Variants in NOX5 observed in about 807,000 individuals in gnomAD.
NOX5 encodes the protein NADPH oxidase, EF-hand calcium binding domain 5.
A neutral mutation model predicts 85.7 loss-of-function variants in NOX5; 76 were observed. The observed-to-expected ratio is 0.89, with a 90% CI of 0.74 to 1.07. The LOEUF (loss-of-function observed/expected upper bound fraction) is 1.07. NOX5 is among the 50% of genes least tolerant of loss of function. The pLI is 0.00. For synonymous variants in NOX5, 405 were observed against 401.4 expected (o/e 1.01, Z -0.11); for missense variants, 973 against 999.5 (o/e 0.97, Z 0.36).
chr15:69,022,057 C>A (rs1269929392), intron 1 of NOX5, among the ~76,000 whole-genome samples: 8 of 152,224 alleles, frequency 5.3e-5, no homozygotes, highest in Admixed American at 5.2e-4. Flanking sequence ...GAAGGTCCAG[C>A]TGACTCATCT....
chr15:69,055,242 C>T (rs894567610), intron 14 of NOX5, 92 bp from the exon 15 acceptor site: 12 of 1,394,338 alleles, frequency 8.6e-6, no homozygotes, highest in African/African-American at 1.4e-5. Flanking sequence ...GGTCTCCTTC[C>T]AAGCCCCAGG....
At chr15:69,046,705 A>G in intron 10 of NOX5, 117 bp from the exon 11 acceptor site, 1 of 931,088 alleles carries the variant, frequency 1.1e-6, no homozygotes, top group South Asian at 1.8e-5. Context: ...TGGTTTGGGC[A>G]GAAAAAGCAA....
rs1274969677 is a variant in NOX5 at position 69,059,635 on chromosome 15, G to A, written c.*2939G>A. ...AGGTCCAGGTTCTGTCTGCCTCGGT[G>A]GACATGTCATCGAAGGCAGCAGGAC... On this transcript the variant is annotated 3_prime_UTR_variant, in exon 16 of 16. Coordinates refer to ENST00000388866, the MANE Select transcript of NOX5 (RefSeq NM_024505.4). 1 of 152,172 alleles carries A rather than the reference G, an allele frequency of 6.6e-6. No individual in the cohort carries two copies. The highest frequency in any genetic ancestry group is 1.5e-5 in the Non-Finnish European group (1 of 68,048). 9.4% of individuals were successfully genotyped at this position (152,172 alleles called of 1,614,324 possible). A position where few individuals can be genotyped will look rare whatever the true frequency, so the allele number is the denominator to read the frequency against.
At chr15:69,044,190 A>T (rs902765054) in intron 10 of NOX5, among the ~76,000 whole-genome samples, 2 of 152,166 alleles carry the variant, frequency 1.3e-5, no homozygotes, top group Non-Finnish European at 2.9e-5. Context: ...ACTAAAAAAA[A>T]AAAAAAGCTA....
rs966524690 is a variant in NOX5, at chr15:69,057,104, T to A, written c.*408T>A. On this transcript the variant is annotated 3_prime_UTR_variant, in exon 16 of 16. Transcript: ENST00000388866. ...GGAAGCTTATTTCTCCGGCATCTTA[T>A]AAAATTGTTCAAACCTACAAAAAGT... 5.9e-6 allele frequency: 1 copy of A among 170,458 alleles called. No homozygotes were observed. Among genetic ancestry groups the A allele is most frequent in the African/African-American group, 2.4e-5 (1 of 41,952 alleles). The allele number at this position is 170,458 out of a possible 1,614,324, so 10.6% of individuals were successfully genotyped here. A position where few individuals can be genotyped will look rare whatever the true frequency, so the allele number is the denominator to read the frequency against.
chr15:69,062,452 CA>C lies in NOX5; in HGVS notation c.*5758del, dbSNP rs111859533. The C allele has an allele frequency of 0.019, 2,912 of 152,258 alleles. 100 individuals carry two copies. Among genetic ancestry groups the C allele is most frequent in the African/African-American group, 0.067 (2,781 of 41,534 alleles). The allele number at this position is 152,258 out of a possible 1,614,324, so 9.4% of individuals were successfully genotyped here. A position where few individuals can be genotyped will look rare whatever the true frequency, so the allele number is the denominator to read the frequency against. ...CTGAGTCTGCTACACAAGGCCCCCC[CA>C]ACATAAGCCCTAGATGAAGATCTGC... is the stretch of plus-strand genomic sequence containing the variant. On this transcript the variant is annotated 3_prime_UTR_variant, in exon 16 of 16. Transcript: ENST00000388866.
intron 2 of NOX5, among the ~76,000 whole-genome samples, chr15:69,027,223 C>T (rs1272841731): frequency 6.6e-6 from 1 of 152,138 alleles, no homozygotes; most frequent in African/African-American, 2.4e-5. Flanking sequence ...AGGACCCTCC[C>T]CTGCTGGTCC....
In NOX5 at chr15:69,031,648, G is replaced by C; in HGVS notation, c.456G>C (p.Ser152=). Residue 152 remains serine (S), a synonymous_variant, in exon 4 of 16, where the codon TCG becomes TCC. Transcript: ENST00000388866. ...DPDELRTVLQ[S]CLRESAISLP... ...ATGAGCTGCGCACTGTGCTGCAGTCGTGTCTGCGCGAGAGCGCCATCTCGC... is the reference window on the plus strand; with the variant it reads ...ATGAGCTGCGCACTGTGCTGCAGTCCTGTCTGCGCGAGAGCGCCATCTCGC... 1 of 1,613,284 alleles carries C rather than the reference G, an allele frequency of 6.2e-7. No homozygotes were observed. Among genetic ancestry groups the C allele is most frequent in the Non-Finnish European group, 8.5e-7 (1 of 1,179,970 alleles).
rs1463880488 is a variant in NOX5 at position 69,014,837 on chromosome 15, G to A, written c.50+52G>A. 4 of 1,329,214 alleles carry A rather than the reference G, an allele frequency of 3.0e-6. No homozygotes were observed. The African/African-American group carries it at 5.8e-5, about 19-fold the overall frequency. The allele number at this position is 1,329,214 out of a possible 1,614,324, so 82.3% of individuals were successfully genotyped here. ...CATGCCAGGGACAAGGGAAAGGTGG[G>A]ATTATTTGCCTTTGTGGGATCTACA... On this transcript the variant is annotated intron_variant, in intron 1 of 15. Coordinates refer to ENST00000388866, the MANE Select transcript of NOX5 (RefSeq NM_024505.4).
chr15:69,033,011 T>A (rs1278154878), intron 4 of NOX5, 32 bp from the exon 5 acceptor site: 1 of 1,527,830 alleles, frequency 6.5e-7, no homozygotes, highest in African/African-American at 1.5e-5. Context: ...GCCCCACCGC[T>A]CGCCTCTGAG....
rs748872374 is a variant in NOX5, at chr15:69,038,929, C to G, written c.1444C>G (p.Pro482Ala). The change falls in exon 9 of 16, where the codon CCC (proline) becomes GCC (alanine). Residue 482 changes from proline (P) to alanine (A), a missense_variant. By Grantham distance (27) the Pro-to-Ala change is conservative. Coordinates refer to ENST00000388866, the MANE Select transcript of NOX5 (RefSeq NM_024505.4). ...RPGDYLYLNI[P>A]TIARYEWHPF... The stretch of plus-strand genomic sequence containing the variant: ...TGGTGACTACTTGTATCTGAACATC[C>G]CCACCATTGCTCGCTATGAGTGGCA... 2 of 1,614,104 alleles carry G rather than the reference C, an allele frequency of 1.2e-6. No individual in the cohort carries two copies.
chr15:69,031,764 G>C lies in NOX5; in HGVS notation c.572G>C (p.Arg191Pro), dbSNP rs777063143. 3.1e-6 allele frequency: 5 copies of C among 1,608,418 alleles called. No individual in the cohort carries two copies. The highest frequency in any genetic ancestry group is 2.6e-6 in the Non-Finnish European group (3 of 1,175,984). Residue 191 changes from arginine (R) to proline (P), a missense_variant, in exon 4 of 16, where the codon CGG becomes CCG. Arg to Pro is a moderately radical substitution (Grantham distance 103). Transcript: ENST00000388866. The stretch of plus-strand genomic sequence containing the variant: ...GGGGCCATCACCTTCGAGGAGCTCC[G>C]GGACGAGCTGCAGCGCTTCCCCGGA... ...GNGAITFEEL[R>P]DELQRFPGVM...
chr15:69,044,388 C>A (rs2140273059), intron 10 of NOX5, among the ~76,000 whole-genome samples: 1 of 152,198 alleles, frequency 6.6e-6, no homozygotes, highest in South Asian at 2.1e-4. Context: ...ATATGCATAA[C>A]ATCTCAGGTG....
At chr15:69,018,040 T>C (rs978362898) in intron 1 of NOX5, among the ~76,000 whole-genome samples, 20 of 152,094 alleles carry the variant, frequency 1.3e-4, no homozygotes, top group African/African-American at 4.8e-4. Context: ...CCTGAAGATC[T>C]GGGGCTGCAG....
At chr15:69,024,355 A>G (rs1011485799) in intron 1 of NOX5, among the ~76,000 whole-genome samples, 2 of 152,140 alleles carry the variant, frequency 1.3e-5, no homozygotes, top group Non-Finnish European at 2.9e-5. Context: ...AAAATACCCA[A>G]TGAAAAATTC....
At position 69,047,916 on chromosome 15, in the gene NOX5, G is replaced by A. The variant is rs1199673953; in HGVS notation, c.1899+5G>A. 11 of 1,613,618 alleles carry A rather than the reference G, an allele frequency of 6.8e-6. No individual in the cohort carries two copies. The highest frequency in any genetic ancestry group is 9.3e-6 in the Non-Finnish European group (11 of 1,179,524). The stretch of plus-strand genomic sequence containing the variant: ...GACAACATGAAGCTCCATAAGGTGA[G>A]TACCACCTCCTGCAGGCAGGCCTCC... On this transcript the variant is annotated splice_donor_5th_base_variant and intron_variant, in intron 13 of 15. Transcript: ENST00000388866.
chr15:69,060,615 C>T lies in NOX5; in HGVS notation c.*3919C>T, dbSNP rs2050862615. 2 of 152,040 alleles carry T rather than the reference C, an allele frequency of 1.3e-5. No homozygotes were observed. The highest frequency in any genetic ancestry group is 6.5e-5 in the Admixed American group (1 of 15,270). 9.4% of individuals were successfully genotyped at this position (152,040 alleles called of 1,614,324 possible). A position where few individuals can be genotyped will look rare whatever the true frequency, so the allele number is the denominator to read the frequency against. On this transcript the variant is annotated 3_prime_UTR_variant, in exon 16 of 16. Transcript: ENST00000388866. ...ATTTTGTGTTTTTGTTTTTGTTTTA[C>T]TTTTTGCCCTTCTGTAAAGTTTAAG...
chr15:69,036,001 T>C, intron 7 of NOX5, 65 bp downstream of exon 7: 1 of 1,592,820 alleles, frequency 6.3e-7, no homozygotes, highest in Non-Finnish European at 8.6e-7. Context: ...TCTTTCTGTG[T>C]CCCCTCTGAT....
chr15:69,050,615 C>G (rs749508763), intron 14 of NOX5, among the ~76,000 whole-genome samples: 2 of 152,188 alleles, frequency 1.3e-5, no homozygotes, highest in Non-Finnish European at 2.9e-5. Flanking sequence ...TCTCAAACTC[C>G]TGACCTCAAG....
Sources: allele counts gnomAD v4.1 joint callset (sites outside exome capture counted in the v4.1 genomes callset), GRCh38; gene constraint gnomAD v4.1.1; transcripts MANE v1.5; gene names NCBI Gene and HGNC (gene_info 2026-07-23, HGNC 2026-07-21).